AMBP: variants seen among roughly 807,000 people sequenced by gnomAD.
AMBP encodes protein AMBP.
A neutral mutation model predicts 46.3 loss-of-function variants in AMBP; 37 were observed. That is an observed-to-expected ratio of 0.80 (90% CI 0.61 to 1.05). The LOEUF (loss-of-function observed/expected upper bound fraction) is 1.05, where lower values mean the gene tolerates loss of function less well. Among genes scored for constraint, AMBP ranks in the 50% least tolerant of loss-of-function variants. The pLI is 0.00. For synonymous variants in AMBP, 174 were observed against 175.9 expected (o/e 0.99, Z 0.09); for missense variants, 475 against 461.2 (o/e 1.03, Z -0.27).
intron 2 of AMBP, among the ~76,000 whole-genome samples, chr9:114,075,954 C>CA (rs1321418591): frequency 1.3e-5 from 2 of 152,024 alleles, no homozygotes; most frequent in Non-Finnish European, 2.9e-5. Flanking sequence ...GAGTAGGACT[C>CA]AGAGTACATA....
intron 5 of AMBP, among the ~76,000 whole-genome samples, chr9:114,071,803 C>A (rs568308911): frequency 5.9e-5 from 9 of 152,310 alleles, no homozygotes; most frequent in African/African-American, 2.2e-4. Flanking sequence ...GAGACACACA[C>A]TCTAGGGCCT....
Position 114,060,936 on chromosome 9 carries a change from A to T in AMBP, c.1016T>A (p.Val339Asp), listed in dbSNP as rs1200377122. 3 of 1,613,532 alleles carry T rather than the reference A, an allele frequency of 1.9e-6. No homozygotes were observed. Residue 339 changes from valine (V) to aspartate (D), a missense_variant, in exon 9 of 10, where the codon GTC becomes GAC. Transcript: ENST00000265132. ...SEKECREYCG[V>D]PGDGDEELLR... ...GCAGGGCTGCCTACCATCACCAGGG[A>T]CACCGCAGTACTCTCTGCACTCCTT...
At position 114,065,640 on chromosome 9, in the gene AMBP, C is replaced by G. The variant is rs555035922; in HGVS notation, c.604-2882G>C. Among the ~76,000 whole-genome samples, 241 of 152,064 alleles carry G rather than the reference C, an allele frequency of 1.6e-3. 1 individual carries two copies. Among genetic ancestry groups the G allele is most frequent in the African/African-American group, 5.7e-3 (238 of 41,462 alleles). On this transcript the variant is annotated intron_variant, in intron 6 of 9. Coordinates refer to ENST00000265132, the MANE Select transcript of AMBP (RefSeq NM_001633.4). ...TCGGGGCAGTTCATTACCCCACCCC[C>G]ACCCCCACCCTCACCATTCCCTTGG...
intron 8 of AMBP, 36 bp from the exon 9 acceptor site, chr9:114,061,134 C>A: frequency 6.2e-7 from 1 of 1,606,688 alleles, no homozygotes; most frequent in Non-Finnish European, 8.5e-7. Flanking sequence ...CTTGAGAAAC[C>A]CTTGTGACTG....
In AMBP at chr9:114,061,462, A is replaced by G; in HGVS notation, c.815T>C (p.Val272Ala). 1 of 1,614,032 alleles carries G rather than the reference A, an allele frequency of 6.2e-7. No homozygotes were observed. The highest frequency in any genetic ancestry group is 1.3e-5 in the African/African-American group (1 of 75,030). Residue 272 changes from valine to alanine, a missense_variant, in exon 8 of 10, where the codon GTC becomes GCC. Transcript: ENST00000265132. ...GGTCTGCAGACACTCCTTTTCTGTG[A>G]CGAAGTTGTTACCGTTGCCCATGCA... ...GGCMGNGNNF[V>A]TEKECLQTCR...
intron 7 of AMBP, among the ~76,000 whole-genome samples, chr9:114,061,968 G>C (rs1413994265): frequency 6.6e-6 from 1 of 152,028 alleles, no homozygotes; most frequent in Non-Finnish European, 1.5e-5. Flanking sequence ...CCCTGCCTTT[G>C]CTCCCACTGT....
Position 114,078,196 on chromosome 9 carries a change from C to T in AMBP, c.14G>A (p.Gly5Glu). MRSL[G>E]ALLLLLSACL... Reference sequence around the variant, plus strand: ...GGCGCTCAGCAGCAAGAGCAGGGCCCCGAGGCTCCTCATGGCTATGGGCTC... The same window carrying T: ...GGCGCTCAGCAGCAAGAGCAGGGCCTCGAGGCTCCTCATGGCTATGGGCTC... The change falls in exon 1 of 10, where the codon GGG becomes GAG. Residue 5 changes from glycine (G) to glutamate (E), a missense_variant. Gly to Glu is a moderately conservative substitution (Grantham distance 98, BLOSUM62 -2). Coordinates refer to ENST00000265132, the MANE Select transcript of AMBP (RefSeq NM_001633.4). The T allele has an allele frequency of 6.2e-7, 1 of 1,612,658 alleles. No individual in the cohort carries two copies. The highest frequency in any genetic ancestry group is 8.5e-7 in the Non-Finnish European group (1 of 1,179,962).
At chr9:114,069,870 A>G in intron 5 of AMBP, 125 bp from the exon 6 acceptor site, 1 of 955,014 alleles carries the variant, frequency 1.0e-6, no homozygotes, top group Non-Finnish European at 1.6e-6. Flanking sequence ...CCACTTCATG[A>G]ATGGTCCTGC....
intron 6 of AMBP, among the ~76,000 whole-genome samples, chr9:114,067,909 A>G (rs1444960096): frequency 6.6e-6 from 1 of 152,226 alleles, no homozygotes; most frequent in Non-Finnish European, 1.5e-5. Flanking sequence ...AAATGGCACT[A>G]ATTAAGAGAA....
chr9:114,066,376 CGTGTGT>C (rs55940547), intron 6 of AMBP, among the ~76,000 whole-genome samples: 4,251 of 141,218 alleles, frequency 0.03, 207 homozygotes, highest in African/African-American at 0.11. Context: ...TTTATGTGCA[CGTGTGT>C]GTGTGTGTGT....
intron 8 of AMBP, 114 bp from the exon 9 acceptor site, chr9:114,061,212 T>G (rs1846633744): frequency 1.1e-5 from 15 of 1,424,678 alleles, no homozygotes; most frequent in Non-Finnish European, 1.4e-5. Context: ...CATCCCTCGT[T>G]GACAGATGGG....
rs1846658851 is a variant in AMBP, at chr9:114,063,124, G to C, written c.604-366C>G. ...GATGTGAAGGCATTGTTGCACAACA[G>C]AGCACAGGTGCAACTGGTTTACAGG... On this transcript the variant is annotated intron_variant, in intron 6 of 9. Transcript: ENST00000265132. 2.0e-5 allele frequency among the ~76,000 whole-genome samples: 3 copies of C among 151,990 alleles called. No individual in the cohort carries two copies. The South Asian group carries it at 6.2e-4, about 32-fold the overall frequency.
rs756372752 is a variant in AMBP at position 114,072,928 on chromosome 9, G to C, written c.553C>G (p.Arg185Gly). 3.6e-5 allele frequency: 58 copies of C among 1,613,552 alleles called. No homozygotes were observed. The highest frequency in any genetic ancestry group is 9.3e-5 in the African/African-American group (7 of 74,902). Residue 185 changes from arginine (R) to glycine (G), a missense_variant, in exon 5 of 10, where the codon CGA becomes GGA. Around this residue, in one of 3 missense-constraint regions of AMBP, gnomAD observed 293 missense variants for 276.9 expected, o/e 1.06. Coordinates refer to ENST00000265132, the MANE Select transcript of AMBP (RefSeq NM_001633.4). ...GAGGCGGAGGGGTGCTATGTACCTCGGTCAGCCATGGTGAAGATGGAGTCC... is the reference window on the plus strand; with the variant it reads ...GAGGCGGAGGGGTGCTATGTACCTCCGTCAGCCATGGTGAAGATGGAGTCC... ...PEDSIFTMAD[R>G]GECVPGEQEP...
intron 5 of AMBP, chr9:114,069,988 C>G: frequency 1.8e-6 from 1 of 548,124 alleles, no homozygotes; most frequent in Non-Finnish European, 3.3e-6. Context: ...ATTTTATCAG[C>G]ATCATGGAAA....
At chr9:114,062,263 G>A (rs976846024) in intron 7 of AMBP, among the ~76,000 whole-genome samples, 2 of 152,216 alleles carry the variant, frequency 1.3e-5, no homozygotes, top group African/African-American at 4.8e-5. Context: ...TGCTGATCGA[G>A]TTGGAGAGGA....
intron 4 of AMBP, among the ~76,000 whole-genome samples, chr9:114,073,826 G>T (rs575226785): frequency 1.3e-5 from 2 of 152,136 alleles, no homozygotes; most frequent in South Asian, 2.1e-4. Flanking sequence ...GGGCCTGGAG[G>T]CTCTGTAATT....
At chr9:114,060,481 G>C (rs1846623016) in intron 9 of AMBP, among the ~76,000 whole-genome samples, 2 of 152,094 alleles carry the variant, frequency 1.3e-5, no homozygotes, top group South Asian at 4.1e-4. Flanking sequence ...CATCTTCAAT[G>C]GTTGCTCTTC....
chr9:114,061,197 C>T, intron 8 of AMBP, 99 bp from the exon 9 acceptor site: 1 of 1,464,012 alleles, frequency 6.8e-7, no homozygotes, highest in East Asian at 2.3e-5. Context: ...TCATCTAGAA[C>T]ACCTCATCCC....
intron 7 of AMBP, among the ~76,000 whole-genome samples, chr9:114,062,190 G>A (rs1846645786): frequency 6.6e-6 from 1 of 152,186 alleles, no homozygotes; most frequent in African/African-American, 2.4e-5. Flanking sequence ...AATGACACAA[G>A]TGGTCTGTGT....
Sources: allele counts gnomAD v4.1 joint callset (sites outside exome capture counted in the v4.1 genomes callset), GRCh38; gene constraint gnomAD v4.1.1; regional missense constraint gnomAD v4.1.1; transcripts MANE v1.5; gene names NCBI Gene and HGNC (gene_info 2026-07-23, HGNC 2026-07-21).